The following ATF7 variants were observed in gnomAD, a reference collection of about 807,000 sequenced individuals.
The protein encoded by ATF7 is activating transcription factor 7.
ATF7 carries 10 observed loss-of-function variants against 50.4 expected under a neutral mutation model. The ratio of observed to expected loss-of-function variants is 0.20; its 90% CI spans 0.12 to 0.34. ATF7 has a LOEUF of 0.34. Ranked by LOEUF, ATF7 falls within the 10% of genes least tolerant of loss-of-function variation. The probability of loss-of-function intolerance (pLI) is 1.00; values close to 1 mark genes in which losing one functional copy is unlikely to be tolerated. For synonymous variants in ATF7, 201 were observed against 226.4 expected, an observed-to-expected ratio of 0.89 and a Z score of 1.01; for missense variants, 465 against 613.9, an observed-to-expected ratio of 0.76 and a Z score of 2.56.
At chr12:53,523,236 T>TACTG (rs1254884100) in intron 11 of ATF7, 40 bp downstream of exon 11, 1 of 1,404,560 alleles carries the variant, frequency 7.1e-7, no homozygotes, top group Non-Finnish European at 1.0e-6. Flanking sequence ...ACATGCAGTT[T>TACTG]ACTGACTGAC....
chr12:53,564,700 C>T (rs1484514933), intron 2 of ATF7, among the ~76,000 whole-genome samples: 1 of 152,078 alleles, frequency 6.6e-6, no homozygotes, highest in Non-Finnish European at 1.5e-5. Context: ...AATTTTAAAC[C>T]CATAGTCAAC....
intron 2 of ATF7, among the ~76,000 whole-genome samples, chr12:53,559,292 G>A (rs962484754): frequency 6.6e-6 from 1 of 151,602 alleles, no homozygotes; most frequent in Admixed American, 6.6e-5. Flanking sequence ...CAAACTCGTG[G>A]GCTCAAAAGC....
chr12:53,600,572 T>G lies in ATF7; in HGVS notation c.48+381A>C, dbSNP rs567214106. On this transcript the variant is annotated intron_variant, in intron 2 of 11. Transcript: ENST00000420353. ...GTCTCCAACTCCTGACCTCAGGTGA[T>G]CTGCCCATCTCGGCCTCCCAAAGTG... Among the ~76,000 whole-genome samples the G allele has an allele frequency of 2.0e-5, 3 of 152,356 alleles. No individual in the cohort carries two copies. In the South Asian group the frequency reaches 6.2e-4, roughly 32 times the overall value.
intron 4 of ATF7, among the ~76,000 whole-genome samples, chr12:53,540,779 T>C (rs1339561453): frequency 6.6e-6 from 1 of 151,930 alleles, no homozygotes; most frequent in African/African-American, 2.4e-5. Flanking sequence ...AGACAGGGTG[T>C]TGTTCCACTG....
At chr12:53,518,989 G>A (rs1223197525) in intron 11 of ATF7, among the ~76,000 whole-genome samples, 1 of 151,204 alleles carries the variant, frequency 6.6e-6, no homozygotes, top group Admixed American at 6.6e-5. Context: ...GGGAGGCAGA[G>A]CTTGCAGTGA....
chr12:53,596,129 C>G (rs768112537), intron 2 of ATF7, among the ~76,000 whole-genome samples: 41 of 152,172 alleles, frequency 2.7e-4, no homozygotes, highest in Middle Eastern at 3.4e-3. Flanking sequence ...CGAAACCTGT[C>G]TCTACTAAAA....
At chr12:53,566,910 T>A (rs983467088) in intron 2 of ATF7, among the ~76,000 whole-genome samples, 4 of 152,132 alleles carry the variant, frequency 2.6e-5, no homozygotes, top group African/African-American at 9.7e-5. Context: ...CACGCCACCA[T>A]GCCCAGCTAA....
intron 2 of ATF7, among the ~76,000 whole-genome samples, chr12:53,587,671 CAAA>C (rs1187023918): frequency 3.4e-5 from 4 of 119,034 alleles, no homozygotes; most frequent in Non-Finnish European, 5.4e-5. Context: ...ATAGAGCGAT[CAAA>C]AAAAAAAAAA....
At chr12:53,610,632 T>C (rs971001319) in intron 1 of ATF7, among the ~76,000 whole-genome samples, 103 of 151,770 alleles carry the variant, frequency 6.8e-4, no homozygotes, top group African/African-American at 2.4e-3. Flanking sequence ...AAAAGTTGTC[T>C]ACTTACAACT....
Position 53,599,339 on chromosome 12 carries a change from G to C in ATF7, c.48+1614C>G, listed in dbSNP as rs75264544. ...ACAGGCATGAGCCATACCAGGCTAG[G>C]AGAGATCATTTTTAGAAATGTATTT... On this transcript the variant is annotated intron_variant, in intron 2 of 11. Transcript: ENST00000420353. 5.3e-3 allele frequency among the ~76,000 whole-genome samples: 800 copies of C among 152,100 alleles called. 9 individuals are homozygous for C. Among genetic ancestry groups the C allele is most frequent in the African/African-American group, 0.019 (771 of 41,496 alleles).
At chr12:53,540,657 T>A (rs1939495843) in intron 4 of ATF7, among the ~76,000 whole-genome samples, 1 of 151,676 alleles carries the variant, frequency 6.6e-6, no homozygotes, top group Non-Finnish European at 1.5e-5. Flanking sequence ...ACCTGGGAGG[T>A]GGAGGTTGCA....
chr12:53,517,648 C>A, intron 11 of ATF7: 1 of 410,844 alleles, frequency 2.4e-6, no homozygotes, highest in Non-Finnish European at 4.5e-6. Context: ...TAGTTCATTA[C>A]CAACTCTTAT....
chr12:53,602,065 T>TA lies in ATF7; in HGVS notation c.-21-1045dup, dbSNP rs1207804486. On this transcript the variant is annotated intron_variant, in intron 1 of 11. Transcript: ENST00000420353. ...TAAAGATTAGAAATGCAAATCATAG[T>TA]AAAAAACAATTCCTAAAAGATAAAC... Among the ~76,000 whole-genome samples, 6 of 152,260 alleles carry TA rather than the reference T, an allele frequency of 3.9e-5. No homozygotes were observed. In the South Asian group the frequency reaches 8.3e-4, roughly 21 times the overall value.
At chr12:53,523,448 G>T in intron 10 of ATF7, 64 bp from the exon 11 acceptor site, 1 of 1,201,618 alleles carries the variant, frequency 8.3e-7, no homozygotes, top group Non-Finnish European at 1.2e-6. Flanking sequence ...ACCCTCAGTG[G>T]CTGTTCCCAA....
At chr12:53,537,161 T>C (rs4759211) in intron 5 of ATF7, among the ~76,000 whole-genome samples, 83,183 of 151,344 alleles carry the variant, frequency 0.55, 23,624 homozygotes, top group East Asian at 0.96. Context: ...CCTCGACCTC[T>C]AGGGCTTAAG....
chr12:53,579,841 G>C lies in ATF7; in HGVS notation c.48+21112C>G, dbSNP rs545485574. 4.0e-5 allele frequency among the ~76,000 whole-genome samples: 6 copies of C among 151,372 alleles called. No individual in the cohort carries two copies. The East Asian group carries it at 1.2e-3, about 31-fold the overall frequency. ...ATGCACATGACAAATTGTGCGCAAT[G>C]CCTCAGCACAGCCCAACGGGGTTTT... On this transcript the variant is annotated intron_variant, in intron 2 of 11. Transcript: ENST00000420353.
intron 2 of ATF7, among the ~76,000 whole-genome samples, chr12:53,566,134 C>T (rs1337676589): frequency 6.6e-6 from 1 of 152,168 alleles, no homozygotes; most frequent in Non-Finnish European, 1.5e-5. Flanking sequence ...CATTAGGTCC[C>T]TCCCACAATA....
intron 2 of ATF7, among the ~76,000 whole-genome samples, chr12:53,593,385 C>T (rs930184280): frequency 6.6e-6 from 1 of 151,982 alleles, no homozygotes; most frequent in Admixed American, 6.6e-5. Context: ...CAGAACAAGA[C>T]CCTATCTCTA....
intron 2 of ATF7, among the ~76,000 whole-genome samples, chr12:53,553,229 A>G (rs550905783): frequency 6.6e-6 from 1 of 152,338 alleles, no homozygotes; most frequent in African/African-American, 2.4e-5. Context: ...ACCAAGGCGC[A>G]ATGGCCAGCA....
Sources: allele counts gnomAD v4.1 joint callset (sites outside exome capture counted in the v4.1 genomes callset), GRCh38; gene constraint gnomAD v4.1.1; transcripts MANE v1.5; gene names NCBI Gene and HGNC (gene_info 2026-07-23, HGNC 2026-07-21).